DSG4: variants seen among roughly 807,000 people sequenced by gnomAD.
The protein encoded by DSG4 is desmoglein-4.
In DSG4, 87 loss-of-function variants were observed where a neutral mutation model predicts 93.1. The ratio of observed to expected loss-of-function variants is 0.93; its 90% CI spans 0.79 to 1.12. The LOEUF is 1.12. Among genes scored for constraint, DSG4 ranks in the 50% most tolerant of loss-of-function variants. The pLI, the probability that DSG4 is intolerant of heterozygous loss-of-function variation, is 0.00. For synonymous variants in DSG4, 432 were observed against 452.9 expected, an observed-to-expected ratio of 0.95 and a Z score of 0.59; for missense variants, 1,373 against 1,285.7, an observed-to-expected ratio of 1.07 and a Z score of -1.04.
At chr18:31,389,761 G>C (rs1222540643) in intron 5 of DSG4, among the ~76,000 whole-genome samples, 1 of 151,936 alleles carries the variant, frequency 6.6e-6, no homozygotes, top group East Asian at 1.9e-4. Context: ...CAAATTTGGG[G>C]GGAAATAATA....
rs139651941 is a variant in DSG4, at chr18:31,391,603, A to G, written c.819+391A>G. Among the ~76,000 whole-genome samples, 12 of 152,174 alleles carry G rather than the reference A, an allele frequency of 7.9e-5. No individual in the cohort carries two copies. The East Asian group carries it at 2.3e-3, about 29-fold the overall frequency. On this transcript the variant is annotated intron_variant, in intron 7 of 15. Coordinates refer to ENST00000308128, the MANE Select transcript of DSG4 (RefSeq NM_177986.5). Reference sequence around the variant, plus strand: ...TCAACTTCCATTTTCATCTCTAAGCATAAAGAAGCATAAAATCCACACTAG... The same window carrying G: ...TCAACTTCCATTTTCATCTCTAAGCGTAAAGAAGCATAAAATCCACACTAG...
intron 1 of DSG4, among the ~76,000 whole-genome samples, chr18:31,377,922 T>A (rs374236482): frequency 1.4e-4 from 22 of 152,220 alleles, no homozygotes; most frequent in African/African-American, 5.3e-4. Flanking sequence ...CAAGTGGCAA[T>A]TATACCAGAC....
intron 3 of DSG4, 42 bp downstream of exon 3, chr18:31,386,861 C>G: frequency 6.2e-7 from 1 of 1,611,310 alleles, no homozygotes; most frequent in Non-Finnish European, 8.5e-7. Flanking sequence ...TTTTGCAGAG[C>G]AGGGAAGCTT....
chr18:31,388,431 G>T lies in DSG4; in HGVS notation c.281G>T (p.Arg94Leu), dbSNP rs551522777. 48 of 1,613,490 alleles carry T rather than the reference G, an allele frequency of 3.0e-5. 1 individual carries two copies. The South Asian group carries it at 4.9e-4, about 17-fold the overall frequency. Residue 94 changes from arginine (R) to leucine (L), a missense_variant, in exon 4 of 16, where the codon CGA (arginine) becomes CTA (leucine). Coordinates refer to ENST00000308128, the MANE Select transcript of DSG4 (RefSeq NM_177986.5). The part of the protein sequence containing the change: ...TYRISGVGID[R>L]PPYGVFTINP... ...CGGATTTCTGGAGTAGGGATTGATC[G>T]ACCACCATATGGGGTATTCACCATT...
At chr18:31,403,732 G>T in intron 11 of DSG4, 98 bp downstream of exon 11, 1 of 1,046,454 alleles carries the variant, frequency 9.6e-7, no homozygotes, top group East Asian at 2.5e-5. Flanking sequence ...TTCTACTTCT[G>T]TTTCCACAGT....
In DSG4 at chr18:31,381,827, A is replaced by ATTT. The variant is rs35928619; in HGVS notation, c.49-3296_49-3294dup. On this transcript the variant is annotated intron_variant, in intron 1 of 15. Transcript: ENST00000308128. The stretch of plus-strand genomic sequence containing the variant: ...AGGCACCCGCCACCACGCCCAGCTA[A>ATTT]TTTTTTTTTTTTTTTGTATTTTTAG... Among the ~76,000 whole-genome samples, 30 of 140,498 alleles carry ATTT rather than the reference A, an allele frequency of 2.1e-4. 1 individual carries two copies. In the South Asian group the frequency reaches 5.1e-3, roughly 24 times the overall value. The allele number at this position is 140,498 out of a possible 152,430, so 92.2% of individuals were successfully genotyped here. A position where few individuals can be genotyped will look rare whatever the true frequency, so the allele number is the denominator to read the frequency against.
chr18:31,392,235 T>C lies in DSG4; in HGVS notation c.900T>C (p.Thr300=). 1 of 1,613,830 alleles carries C rather than the reference T, an allele frequency of 6.2e-7. No homozygotes were observed. Among genetic ancestry groups the C allele is most frequent in the Non-Finnish European group, 8.5e-7 (1 of 1,179,848 alleles). Residue 300 remains threonine (T), a synonymous_variant, in exon 8 of 16, where the codon ACT becomes ACC. Transcript: ENST00000308128. ...LQAIDLDEEG[T]DNWLAQYLIL... is the part of the protein sequence containing the mutation. ...CAATTGATCTTGATGAAGAAGGCAC[T>C]GATAACTGGTTGGCTCAATATTTAA...
chr18:31,402,776 C>T (rs1360600139), intron 10 of DSG4, among the ~76,000 whole-genome samples: 2 of 152,192 alleles, frequency 1.3e-5, no homozygotes, highest in African/African-American at 4.8e-5. Context: ...TCCTGGACTC[C>T]TAATCTTTAG....
chr18:31,396,493 T>C (rs942515471), intron 8 of DSG4, among the ~76,000 whole-genome samples: 1 of 151,514 alleles, frequency 6.6e-6, no homozygotes, highest in African/African-American at 2.4e-5. Flanking sequence ...TAGCTGGGAT[T>C]ACAGGCATGC....
At chr18:31,394,874 C>T (rs1005174086) in intron 8 of DSG4, among the ~76,000 whole-genome samples, 4 of 152,100 alleles carry the variant, frequency 2.6e-5, no homozygotes, top group African/African-American at 7.2e-5. Context: ...GCAATTCTTA[C>T]CTATGTTCTT....
At chr18:31,385,653 T>G (rs552395690) in intron 2 of DSG4, among the ~76,000 whole-genome samples, 8 of 152,272 alleles carry the variant, frequency 5.3e-5, no homozygotes, top group African/African-American at 1.7e-4. Flanking sequence ...AGCTTTATTT[T>G]ATTATAATAG....
In DSG4 at chr18:31,414,440, G is replaced by A. The variant is rs1419786367; in HGVS notation, c.*845G>A. ...CAATTTCATTGACCTGAATCGTAGA[G>A]CTTTCAATTGGCAACCAGATATTCT... On this transcript the variant is annotated 3_prime_UTR_variant, in exon 16 of 16. Transcript: ENST00000308128. 1.3e-5 allele frequency: 2 copies of A among 152,102 alleles called. No individual in the cohort carries two copies. The highest frequency in any genetic ancestry group is 2.9e-5 in the Non-Finnish European group (2 of 68,010). 9.4% of individuals were successfully genotyped at this position (152,102 alleles called of 1,614,324 possible).
chr18:31,388,254 G>T, intron 3 of DSG4, 113 bp from the exon 4 acceptor site: 1 of 1,229,012 alleles, frequency 8.1e-7, no homozygotes, highest in South Asian at 1.3e-5. Flanking sequence ...CATGGTGTCA[G>T]GTTTCAATCC....
rs755858349 is a variant in DSG4, at chr18:31,412,848, T to A, written c.2376T>A (p.Asp792Glu). 8 of 1,614,254 alleles carry A rather than the reference T, an allele frequency of 5.0e-6. No individual in the cohort carries two copies. Among genetic ancestry groups the A allele is most frequent in the African/African-American group, 1.3e-5 (1 of 75,076 alleles). ...YFSEKAYAYA[D>E]EDEGRPANDC... ...TTTAGAAAGCGTATGCTTATGCAGA[T>A]GAAGATGAAGGTCGACCAGCCAATG... The change falls in exon 16 of 16, where the codon GAT (aspartate) becomes GAA (glutamate). Residue 792 changes from aspartate to glutamate, a missense_variant. Asp to Glu is a conservative substitution (Grantham distance 45, BLOSUM62 2). Transcript: ENST00000308128.
intron 1 of DSG4, among the ~76,000 whole-genome samples, chr18:31,384,061 A>G (rs1412066558): frequency 6.6e-6 from 1 of 152,182 alleles, no homozygotes; most frequent in African/African-American, 2.4e-5. Flanking sequence ...AATGTCATCT[A>G]TTAATATGAA....
In DSG4 at chr18:31,401,002, G is replaced by C; in HGVS notation, c.1399G>C (p.Glu467Gln). 1 of 1,605,334 alleles carries C rather than the reference G, an allele frequency of 6.2e-7. No individual in the cohort carries two copies. Among genetic ancestry groups the C allele is most frequent in the African/African-American group, 1.3e-5 (1 of 74,782 alleles). The change falls in exon 10 of 16, where the codon GAG becomes CAG. Residue 467 changes from glutamate (E) to glutamine (Q), a missense_variant. Transcript: ENST00000308128. ...KYIINGIYTA[E>Q]ILAIDDGSGK... is the part of the protein sequence containing the mutation. ...TATTATCAATGGGATATACACAGCA[G>C]AGATCCTGGCTATAGATGGTAAGAA...
Position 31,411,415 on chromosome 18 carries a change from C to T in DSG4, c.2322C>T (p.Ile774=), listed in dbSNP as rs766413955. The T allele has an allele frequency of 3.7e-6, 6 of 1,611,482 alleles. No homozygotes were observed. Among genetic ancestry groups the T allele is most frequent in the South Asian group, 1.1e-5 (1 of 91,056 alleles). The part of the protein sequence containing the change: ...GTLRDYADAD[I]NMAFLDSYFS... ...TGCGGGACTACGCTGACGCAGACAT[C>T]AACATGGCTTTCTTGGACAGCTACT... The change falls in exon 15 of 16, where the codon ATC becomes ATT. Residue 774 remains isoleucine, a synonymous_variant. Coordinates refer to ENST00000308128, the MANE Select transcript of DSG4 (RefSeq NM_177986.5).
intron 1 of DSG4, among the ~76,000 whole-genome samples, chr18:31,381,562 T>C (rs2144159495): frequency 6.6e-6 from 1 of 152,312 alleles, no homozygotes; most frequent in Non-Finnish European, 1.5e-5. Context: ...TTTTTTTATT[T>C]TCCTGCTTCC....
Position 31,411,370 on chromosome 18 carries a change from G to A in DSG4, c.2277G>A (p.Arg759=), listed in dbSNP as rs1309144723. The change falls in exon 15 of 16, where the codon AGG becomes AGA. Residue 759 remains arginine, a synonymous_variant. Coordinates refer to ENST00000308128, the MANE Select transcript of DSG4 (RefSeq NM_177986.5). The part of the protein sequence containing the change: ...AAGASGAARK[R]SSTMGTLRDY... ...GAGCCTCAGGGGCCGCAAGGAAGAG[G>A]AGCTCTACCATGGGAACCCTGCGGG... 1 of 1,613,976 alleles carries A rather than the reference G, an allele frequency of 6.2e-7. No homozygotes were observed. The highest frequency in any genetic ancestry group is 1.7e-5 in the Admixed American group (1 of 59,996).
Sources: gnomAD v4.1 joint callset for allele counts (sites outside exome capture counted in the v4.1 genomes callset) on GRCh38, gnomAD v4.1.1 for gene constraint, MANE v1.5 for transcripts, NCBI Gene and HGNC (gene_info 2026-07-23, HGNC 2026-07-21) for gene names.